PPP1R12B: variants seen among roughly 807,000 people sequenced by gnomAD.
PPP1R12B encodes protein phosphatase 1 regulatory subunit 12B, also known as myosin phosphatase target subunit 2.
In PPP1R12B, 76 loss-of-function variants were observed where a neutral mutation model predicts 126.1. The ratio of observed to expected loss-of-function variants is 0.60; its 90% CI spans 0.50 to 0.73. PPP1R12B has a LOEUF of 0.73. Among genes scored for constraint, PPP1R12B ranks in the 30% least tolerant of loss-of-function variants. The pLI, the probability that PPP1R12B is intolerant of heterozygous loss-of-function variation, is 0.00. For missense variants in PPP1R12B, 1,052 were observed against 1,205.1 expected (o/e 0.87, Z 1.88); for synonymous variants, 356 against 434.7 (o/e 0.82, Z 2.25).
At chr1:202,443,404 A>G (rs1002611109) in intron 12 of PPP1R12B, among the ~76,000 whole-genome samples, 4 of 152,252 alleles carry the variant, frequency 2.6e-5, no homozygotes, top group Admixed American at 6.5e-5. Context: ...GCCCTGGCCT[A>G]GACTAGATGA....
At chr1:202,517,484 C>T (rs1433096263) in intron 18 of PPP1R12B, among the ~76,000 whole-genome samples, 1 of 152,122 alleles carries the variant, frequency 6.6e-6, no homozygotes, top group African/African-American at 2.4e-5. Context: ...ATTGTTACTG[C>T]AACCCACAAC....
chr1:202,489,338 C>T (rs1349737683), intron 14 of PPP1R12B, among the ~76,000 whole-genome samples: 1 of 152,128 alleles, frequency 6.6e-6, no homozygotes, highest in Non-Finnish European at 1.5e-5. Context: ...AAATTTTAAA[C>T]ATAGTTACCA....
At chr1:202,371,389 T>C (rs1250351487) in intron 1 of PPP1R12B, among the ~76,000 whole-genome samples, 1 of 152,066 alleles carries the variant, frequency 6.6e-6, no homozygotes, top group Non-Finnish European at 1.5e-5. Flanking sequence ...TAGCCATTGT[T>C]TGTATAGTGT....
At chr1:202,579,520 C>T (rs1689402192) in intron 23 of PPP1R12B, among the ~76,000 whole-genome samples, 1 of 152,226 alleles carries the variant, frequency 6.6e-6, no homozygotes, top group South Asian at 2.1e-4. Flanking sequence ...ATCAACATCC[C>T]ATTAGGATTT....
chr1:202,421,645 A>G (rs575551990), intron 2 of PPP1R12B, among the ~76,000 whole-genome samples: 1 of 151,594 alleles, frequency 6.6e-6, no homozygotes, highest in Admixed American at 6.6e-5. Flanking sequence ...GTCTCAAAAA[A>G]AAAAACAAAA....
chr1:202,505,646 G>T (rs12741415), intron 18 of PPP1R12B, among the ~76,000 whole-genome samples: 1 of 152,114 alleles, frequency 6.6e-6, no homozygotes, highest in Non-Finnish European at 1.5e-5. Context: ...ACAAGATTGC[G>T]CTGTGGAGTT....
At chr1:202,522,500 A>G (rs990362696) in intron 18 of PPP1R12B, among the ~76,000 whole-genome samples, 1 of 152,056 alleles carries the variant, frequency 6.6e-6, no homozygotes, top group Non-Finnish European at 1.5e-5. Flanking sequence ...AAGAGAAAAG[A>G]TAGGTAATAT....
In PPP1R12B at chr1:202,495,402, C is replaced by G; in HGVS notation, c.2255C>G (p.Thr752Arg). The change falls in exon 16 of 24, where the codon ACA becomes AGA. Residue 752 changes from threonine (T) to arginine (R), a missense_variant. By Grantham distance (71) the Thr-to-Arg change is moderately conservative. Coordinates refer to ENST00000608999, the MANE Select transcript of PPP1R12B (RefSeq NM_002481.4). ...TACACCAGTTCCCACCTGCTATGGA[C>G]AAATAGATTTTCAGTCCCTGATTCT... ...SLYTSSHLLW[T>R]NRFSVPDSES... The G allele has an allele frequency of 6.2e-7, 1 of 1,611,642 alleles. No individual in the cohort carries two copies. The highest frequency in any genetic ancestry group is 8.5e-7 in the Non-Finnish European group (1 of 1,178,552).
chr1:202,509,303 G>A (rs1327636852), intron 18 of PPP1R12B, among the ~76,000 whole-genome samples: 2 of 152,256 alleles, frequency 1.3e-5, no homozygotes, highest in Non-Finnish European at 2.9e-5. Context: ...TGGTCATGCA[G>A]CAGGAAGCAA....
intron 12 of PPP1R12B, among the ~76,000 whole-genome samples, chr1:202,447,936 G>A (rs567566070): frequency 6.6e-6 from 1 of 151,996 alleles, no homozygotes; most frequent in Non-Finnish European, 1.5e-5. Context: ...TGGAGAAGTA[G>A]CATGTGTTTT....
intron 18 of PPP1R12B, among the ~76,000 whole-genome samples, chr1:202,531,646 A>T (rs1485477984): frequency 1.3e-5 from 2 of 152,222 alleles, no homozygotes; most frequent in East Asian, 3.8e-4. Flanking sequence ...CAGAGATCTT[A>T]AACTATACTT....
rs1183364633 is a variant in PPP1R12B, at chr1:202,587,368, T to A, written c.*6808T>A. ...CAACCACCACCACCACCGCCCCCTA[T>A]TCCAGTTTCAAAGCTCCTCGGCTAT... is the stretch of plus-strand genomic sequence containing the variant. On this transcript the variant is annotated 3_prime_UTR_variant, in exon 24 of 24. Coordinates refer to ENST00000608999, the MANE Select transcript of PPP1R12B (RefSeq NM_002481.4). The A allele has an allele frequency of 6.6e-6, 1 of 152,244 alleles. No homozygotes were observed. Among genetic ancestry groups the A allele is most frequent in the Admixed American group, 6.5e-5 (1 of 15,278 alleles). The allele number at this position is 152,244 out of a possible 1,614,324, so 9.4% of individuals were successfully genotyped here.
chr1:202,399,842 T>G (rs941705449), intron 1 of PPP1R12B, among the ~76,000 whole-genome samples: 2 of 152,142 alleles, frequency 1.3e-5, no homozygotes, highest in Non-Finnish European at 2.9e-5. Flanking sequence ...CTTATTTCAT[T>G]TATTTTTTAT....
rs562944240 is a variant in PPP1R12B, at chr1:202,585,150, C to T, written c.*4590C>T. On this transcript the variant is annotated 3_prime_UTR_variant, in exon 24 of 24. Transcript: ENST00000608999. ...AGCTAGGACTGCAGGTGTGCACCAC[C>T]ATGCCCAGCTAATTTTTGAATTTTT... is the stretch of plus-strand genomic sequence containing the variant. 1 of 152,454 alleles carries T rather than the reference C, an allele frequency of 6.6e-6. No individual in the cohort carries two copies. Among genetic ancestry groups the T allele is most frequent in the Non-Finnish European group, 1.5e-5 (1 of 68,136 alleles). 9.4% of individuals were successfully genotyped at this position (152,454 alleles called of 1,614,324 possible). A position where few individuals can be genotyped will look rare whatever the true frequency, so the allele number is the denominator to read the frequency against.
chr1:202,364,578 A>T (rs897244032), intron 1 of PPP1R12B, among the ~76,000 whole-genome samples: 5 of 150,248 alleles, frequency 3.3e-5, no homozygotes, highest in African/African-American at 7.3e-5. Flanking sequence ...ATTTATTTTT[A>T]TTTATTTATT....
Position 202,589,635 on chromosome 1 carries a change from A to G in PPP1R12B, c.*9075A>G, listed in dbSNP as rs1000654162. 1 of 152,152 alleles carries G rather than the reference A, an allele frequency of 6.6e-6. No individual in the cohort carries two copies. The allele number at this position is 152,152 out of a possible 1,614,324, so 9.4% of individuals were successfully genotyped here. On this transcript the variant is annotated 3_prime_UTR_variant, in exon 24 of 24. Coordinates refer to ENST00000608999, the MANE Select transcript of PPP1R12B (RefSeq NM_002481.4). ...CACGTGGTCCAGCCCTCTTGGGGGGAAAGGAGAAGGCCACAACCTATTGGC... is the reference window on the plus strand; with the variant it reads ...CACGTGGTCCAGCCCTCTTGGGGGGGAAGGAGAAGGCCACAACCTATTGGC...
intron 5 of PPP1R12B, among the ~76,000 whole-genome samples, chr1:202,427,986 T>A (rs968524910): frequency 4.9e-5 from 7 of 142,134 alleles, no homozygotes; most frequent in African/African-American, 1.0e-4. Flanking sequence ...TTTTTTTTTT[T>A]AATGGTAGAG....
At chr1:202,453,280 A>G in intron 13 of PPP1R12B, among the ~76,000 whole-genome samples, 1 of 152,182 alleles carries the variant, frequency 6.6e-6, no homozygotes, top group South Asian at 2.1e-4. Context: ...GATATATCAC[A>G]TTGATTGACT....
chr1:202,409,050 G>A (rs1475376367), intron 1 of PPP1R12B, among the ~76,000 whole-genome samples: 1 of 151,300 alleles, frequency 6.6e-6, no homozygotes, highest in Non-Finnish European at 1.5e-5. Flanking sequence ...TGTTGCCCAG[G>A]CTGGTCTTGA....
Sources: gnomAD v4.1 joint callset for allele counts (sites outside exome capture counted in the v4.1 genomes callset) on GRCh38, gnomAD v4.1.1 for gene constraint, MANE v1.5 for transcripts, NCBI Gene and HGNC (gene_info 2026-07-23, HGNC 2026-07-21) for gene names.